Variants in ALK observed in about 807,000 individuals in gnomAD.
The protein encoded by ALK is ALK receptor tyrosine kinase.
Under a neutral mutation model 163.1 loss-of-function variants are expected in ALK, and 74 were observed. That is an observed-to-expected ratio of 0.45 (90% CI 0.38 to 0.55). ALK has a LOEUF of 0.55. Ranked by LOEUF, ALK falls within the 20% of genes least tolerant of loss-of-function variation. The pLI is 0.00. For synonymous variants in ALK, 960 were observed against 843.2 expected (o/e 1.14, Z -2.40); for missense variants, 2,063 against 2,105.3 (o/e 0.98, Z 0.39).
At chr2:29,362,820 G>C (rs573442814) in intron 5 of ALK, among the ~76,000 whole-genome samples, 16 of 152,232 alleles carry the variant, frequency 1.1e-4, no homozygotes, top group African/African-American at 3.9e-4. Context: ...GCAAATAGCA[G>C]GTACAATCCC....
intron 1 of ALK, among the ~76,000 whole-genome samples, chr2:29,790,182 A>ATT (rs144585105): frequency 6.6e-6 from 1 of 151,296 alleles, no homozygotes; most frequent in African/African-American, 2.4e-5. Flanking sequence ...TGTTAATGTC[A>ATT]TTTTTTTTTA....
rs763856615 is a variant in ALK, at chr2:29,318,400, A to G, written c.1551T>C (p.His517=). ...KDARFQDHQD[H]ALLLSTTDVP... The stretch of plus-strand genomic sequence containing the variant: ...CATCAGTGGTACTGAGCAATAGAGC[A>G]TGGTCTAGGAGAGAGGAAAAGAATC... Residue 517 remains histidine, a synonymous_variant, in exon 8 of 29, where the codon CAT becomes CAC. Coordinates refer to ENST00000389048, the MANE Select transcript of ALK (RefSeq NM_004304.5). 2.7e-5 allele frequency: 43 copies of G among 1,610,472 alleles called. 2 individuals carry two copies. Among genetic ancestry groups the G allele is most frequent in the Non-Finnish European group, 3.3e-5 (39 of 1,176,744 alleles).
chr2:29,823,770 G>A (rs909556360), intron 1 of ALK, among the ~76,000 whole-genome samples: 5 of 152,180 alleles, frequency 3.3e-5, no homozygotes, highest in African/African-American at 1.2e-4. Context: ...AGGAAGCAGA[G>A]CATAAAAGTT....
At chr2:29,853,574 C>T (rs1212780604) in intron 1 of ALK, among the ~76,000 whole-genome samples, 1 of 152,188 alleles carries the variant, frequency 6.6e-6, no homozygotes, top group South Asian at 2.1e-4. Flanking sequence ...AGCTTCCTTC[C>T]TGCCTCCCAC....
At chr2:29,855,471 C>A (rs369059866) in intron 1 of ALK, among the ~76,000 whole-genome samples, 3 of 152,190 alleles carry the variant, frequency 2.0e-5, no homozygotes, top group African/African-American at 7.2e-5. Context: ...CTACCTCACA[C>A]CCCTGGGGAT....
intron 3 of ALK, among the ~76,000 whole-genome samples, chr2:29,646,864 A>G (rs956850769): frequency 8.5e-5 from 13 of 152,100 alleles, no homozygotes; most frequent in African/African-American, 3.1e-4. Flanking sequence ...TACTTTCAAC[A>G]TATTGTACAT....
intron 3 of ALK, among the ~76,000 whole-genome samples, chr2:29,597,343 C>T (rs1675243380): frequency 6.6e-6 from 1 of 152,140 alleles, no homozygotes; most frequent in Non-Finnish European, 1.5e-5. Flanking sequence ...AGTGCTCACT[C>T]TCAAACCCAT....
At chr2:29,694,317 G>A (rs928852098) in intron 3 of ALK, among the ~76,000 whole-genome samples, 7 of 152,146 alleles carry the variant, frequency 4.6e-5, no homozygotes, top group African/African-American at 9.7e-5. Context: ...ATTTATGAAC[G>A]GCTTAGAAAC....
intron 4 of ALK, among the ~76,000 whole-genome samples, chr2:29,501,503 C>T (rs1558353570): frequency 6.6e-6 from 1 of 152,206 alleles, no homozygotes; most frequent in Non-Finnish European, 1.5e-5. Context: ...GGCCTCCTTT[C>T]TTTGGAGGAT....
At chr2:29,373,149 A>C (rs1176828793) in intron 5 of ALK, among the ~76,000 whole-genome samples, 3 of 152,206 alleles carry the variant, frequency 2.0e-5, no homozygotes, top group Admixed American at 6.5e-5. Context: ...CAAAACAATA[A>C]TATTTTTAAT....
At chr2:29,239,965 A>G in intron 12 of ALK, 135 bp from the exon 13 acceptor site, 4 of 1,050,750 alleles carry the variant, frequency 3.8e-6, no homozygotes, top group Non-Finnish European at 5.4e-6. Context: ...CAGTCCCTGC[A>G]GAAAGGGATT....
At chr2:29,351,240 TG>T (rs1441049486) in intron 5 of ALK, among the ~76,000 whole-genome samples, 1 of 152,114 alleles carries the variant, frequency 6.6e-6, no homozygotes, top group East Asian at 1.9e-4. Context: ...TATATTTTTG[TG>T]GGGGTGAAGA....
chr2:29,711,322 T>C (rs1679095519), intron 2 of ALK, among the ~76,000 whole-genome samples: 1 of 152,216 alleles, frequency 6.6e-6, no homozygotes, highest in Non-Finnish European at 1.5e-5. Context: ...CTGTGTTCCC[T>C]AGAGTCCAAG....
intron 1 of ALK, among the ~76,000 whole-genome samples, chr2:29,827,339 A>G (rs992435179): frequency 6.6e-6 from 1 of 152,216 alleles, no homozygotes; most frequent in African/African-American, 2.4e-5. Flanking sequence ...GCAAAACCCA[A>G]TTGACCTTCA....
chr2:29,758,828 G>A (rs1558475663), intron 1 of ALK, among the ~76,000 whole-genome samples: 1 of 152,162 alleles, frequency 6.6e-6, no homozygotes, highest in Non-Finnish European at 1.5e-5. Context: ...CTTGAAGAGT[G>A]TGTAAGACAA....
chr2:29,805,176 A>G (rs1386983695), intron 1 of ALK, among the ~76,000 whole-genome samples: 2 of 152,132 alleles, frequency 1.3e-5, no homozygotes, highest in African/African-American at 4.8e-5. Context: ...CACCTCGCCA[A>G]CCCCACAGAA....
At chr2:29,474,393 G>A (rs938114506) in intron 4 of ALK, among the ~76,000 whole-genome samples, 8 of 152,198 alleles carry the variant, frequency 5.3e-5, no homozygotes, top group Non-Finnish European at 7.3e-5. Context: ...ATCTTGGTCC[G>A]AGTGGTAATT....
intron 1 of ALK, among the ~76,000 whole-genome samples, chr2:29,818,518 T>G (rs1339665494): frequency 6.6e-6 from 1 of 152,188 alleles, no homozygotes; most frequent in East Asian, 1.9e-4. Flanking sequence ...AGCGCGCAGG[T>G]TTTCCACGCT....
intron 3 of ALK, among the ~76,000 whole-genome samples, chr2:29,595,383 C>T (rs1558401023): frequency 1.3e-5 from 2 of 149,690 alleles, no homozygotes; most frequent in South Asian, 4.2e-4. Context: ...TCCAGCTGCA[C>T]GATCTCGGCT....
Sources: allele counts gnomAD v4.1 joint callset (sites outside exome capture counted in the v4.1 genomes callset), GRCh38; gene constraint gnomAD v4.1.1; transcripts MANE v1.5; gene names NCBI Gene and HGNC (gene_info 2026-07-23, HGNC 2026-07-21).